The following HDAC4 variants were observed in gnomAD, a reference collection of about 807,000 sequenced individuals.
HDAC4 encodes the protein histone deacetylase 4.
HDAC4 carries 16 observed loss-of-function variants against 135.1 expected under a neutral mutation model. The ratio of observed to expected loss-of-function variants is 0.12; its 90% confidence interval spans 0.08 to 0.18. The LOEUF is 0.18. Among genes scored for constraint, HDAC4 ranks in the 10% least tolerant of loss-of-function variants. HDAC4 has a pLI of 1.00. For missense variants in HDAC4, 1,143 were observed against 1,511.8 expected (o/e 0.76, Z 4.05); for synonymous variants, 685 against 653.4 (o/e 1.05, Z -0.74).
chr2:239,300,067 G>C (rs957353942), intron 2 of HDAC4, among the ~76,000 whole-genome samples: 10 of 152,140 alleles, frequency 6.6e-5, no homozygotes, highest in African/African-American at 2.4e-4. Flanking sequence ...CCTCTAGGGC[G>C]TCCCTCTCTC....
chr2:239,380,298 TC>T (rs1695324725), intron 1 of HDAC4, among the ~76,000 whole-genome samples: 1 of 152,134 alleles, frequency 6.6e-6, no homozygotes, highest in African/African-American at 2.4e-5. Context: ...ACATTTAACT[TC>T]TTATATAATT....
intron 3 of HDAC4, among the ~76,000 whole-genome samples, chr2:239,226,120 A>G (rs1332199933): frequency 6.6e-6 from 1 of 152,170 alleles, no homozygotes; most frequent in Non-Finnish European, 1.5e-5. Context: ...CCCTCTGGAT[A>G]CATTTTACAG....
intron 20 of HDAC4, among the ~76,000 whole-genome samples, chr2:239,082,442 G>A (rs188393676): frequency 4.6e-5 from 7 of 152,354 alleles, no homozygotes; most frequent in Admixed American, 3.3e-4. Context: ...GCCAATGTTC[G>A]CGTCTGCAGC....
intron 1 of HDAC4, among the ~76,000 whole-genome samples, chr2:239,373,765 T>C (rs1694799245): frequency 6.6e-6 from 1 of 152,248 alleles, no homozygotes; most frequent in South Asian, 2.1e-4. Flanking sequence ...ATTTCTTCAT[T>C]GACTTTGTTG....
At chr2:239,201,843 T>G (rs772233947) in intron 3 of HDAC4, among the ~76,000 whole-genome samples, 1 of 152,248 alleles carries the variant, frequency 6.6e-6, no homozygotes, top group African/African-American at 2.4e-5. Context: ...TTTGTTTTTA[T>G]GTAAATCGGC....
chr2:239,064,297 C>G (rs768607886), intron 24 of HDAC4, among the ~76,000 whole-genome samples: 1 of 152,214 alleles, frequency 6.6e-6, no homozygotes, highest in African/African-American at 2.4e-5. Flanking sequence ...TTTAGGATTA[C>G]AGTGCTGGCC....
At chr2:239,385,033 G>C (rs538933881) in intron 1 of HDAC4, among the ~76,000 whole-genome samples, 1 of 152,138 alleles carries the variant, frequency 6.6e-6, no homozygotes, top group Admixed American at 6.5e-5. Flanking sequence ...CAGGGACAGG[G>C]ACAAGGCTTC....
At chr2:239,122,089 G>A (rs763241923) in intron 12 of HDAC4, among the ~76,000 whole-genome samples, 4 of 152,168 alleles carry the variant, frequency 2.6e-5, no homozygotes, top group African/African-American at 9.7e-5. Context: ...GGCCAAAACC[G>A]AACTGGTAAA....
chr2:239,321,169 A>G (rs1382439097), intron 2 of HDAC4, among the ~76,000 whole-genome samples: 1 of 152,150 alleles, frequency 6.6e-6, no homozygotes, highest in East Asian at 1.9e-4. Context: ...TCTAAGCTTC[A>G]TAAGATTAGC....
intron 2 of HDAC4, among the ~76,000 whole-genome samples, chr2:239,327,223 C>T (rs974569664): frequency 1.3e-5 from 2 of 152,232 alleles, no homozygotes; most frequent in Admixed American, 6.5e-5. Context: ...GGAGCCTAGC[C>T]GTACCCACCT....
intron 11 of HDAC4, among the ~76,000 whole-genome samples, chr2:239,132,195 C>T (rs893518635): frequency 1.3e-5 from 2 of 152,214 alleles, no homozygotes; most frequent in Admixed American, 1.3e-4. Flanking sequence ...ACTTAACCCT[C>T]ATCAGGCTCA....
chr2:239,130,458 T>G (rs567839460), intron 11 of HDAC4, among the ~76,000 whole-genome samples: 15 of 152,160 alleles, frequency 9.9e-5, no homozygotes, highest in Admixed American at 7.9e-4. Flanking sequence ...CTACGTAGCC[T>G]TAAGACGCTG....
chr2:239,401,130 C>G (rs931549279), upstream of HDAC4: 1 of 151,994 alleles, frequency 6.6e-6, no homozygotes, highest in African/African-American at 2.4e-5. Context: ...CTTGCGGGCC[C>G]CGCCCTCCCG....
intron 23 of HDAC4, among the ~76,000 whole-genome samples, chr2:239,067,272 G>A (rs188391444): frequency 1.1e-4 from 17 of 152,224 alleles, no homozygotes; most frequent in African/African-American, 2.6e-4. Context: ...CTCCTGAAGC[G>A]TTCTCCCACG....
intron 1 of HDAC4, among the ~76,000 whole-genome samples, chr2:239,366,345 C>T (rs947094377): frequency 2.0e-5 from 3 of 152,232 alleles, no homozygotes; most frequent in Non-Finnish European, 2.9e-5. Context: ...AATAACTGTC[C>T]GTTAGCAGCA....
In HDAC4 at chr2:239,141,808, G is replaced by C. The variant is rs929793420; in HGVS notation, c.866-2012C>G. On this transcript the variant is annotated intron_variant, in intron 8 of 26. Coordinates refer to ENST00000543185, the MANE Select transcript of HDAC4 (RefSeq NM_001378414.1). This position sits in a 1 kb window ranked among gnomAD's most constrained non-coding sequence, Gnocchi z 4.9. ...TTTTGGGGCGGTAAAAATTATATGT[G>C]TAACTTTCCACCCACTTTTAACTCA... is the stretch of plus-strand genomic sequence containing the variant. 3.2e-4 allele frequency among the ~76,000 whole-genome samples: 49 copies of C among 152,148 alleles called. No individual in the cohort carries two copies. Among genetic ancestry groups the C allele is most frequent in the African/African-American group, 1.1e-3 (46 of 41,430 alleles).
chr2:239,352,046 A>G lies in HDAC4; in HGVS notation c.22+632T>C, dbSNP rs888953273. On this transcript the variant is annotated intron_variant, in intron 2 of 26. Transcript: ENST00000543185. The surrounding 1 kb of genome is among the most constrained non-coding windows in gnomAD (Gnocchi z 4.4). Reference sequence around the variant, plus strand: ...TGTGAAGTCGTAAATGGATGGGCCCATGACATGCTTCTGAAGCTCAGAGCA... The same window carrying G: ...TGTGAAGTCGTAAATGGATGGGCCCGTGACATGCTTCTGAAGCTCAGAGCA... Among the ~76,000 whole-genome samples the G allele has an allele frequency of 6.6e-6, 1 of 152,132 alleles. No individual in the cohort carries two copies. Among genetic ancestry groups the G allele is most frequent in the African/African-American group, 2.4e-5 (1 of 41,432 alleles).
intron 5 of HDAC4, among the ~76,000 whole-genome samples, chr2:239,170,077 C>T (rs1282895322): frequency 6.6e-6 from 1 of 152,148 alleles, no homozygotes; most frequent in Non-Finnish European, 1.5e-5. Flanking sequence ...GAGTAAAATG[C>T]TGTGATAATT....
At chr2:239,263,837 G>A (rs894843969) in intron 2 of HDAC4, among the ~76,000 whole-genome samples, 2 of 152,128 alleles carry the variant, frequency 1.3e-5, no homozygotes, top group Non-Finnish European at 2.9e-5. Context: ...GCTGAGCCTC[G>A]CCTCCTGCTG....
Sources: gnomAD v4.1 joint callset for allele counts (sites outside exome capture counted in the v4.1 genomes callset) on GRCh38, gnomAD v4.1.1 for gene constraint, Gnocchi (gnomAD v3.1) non-coding constraint, MANE v1.5 for transcripts, NCBI Gene and HGNC (gene_info 2026-07-23, HGNC 2026-07-21) for gene names.